Variants in SLC39A8 observed in about 807,000 individuals in gnomAD.
SLC39A8 encodes the protein solute carrier family 39 member 8, also known as metal cation symporter ZIP8.
In SLC39A8, 15 loss-of-function variants were observed where a neutral mutation model predicts 40.4. That is an observed-to-expected ratio of 0.37 (90% CI 0.25 to 0.57). SLC39A8 has a LOEUF of 0.57. Among genes scored for constraint, SLC39A8 ranks in the 20% least tolerant of loss-of-function variants. The probability of loss-of-function intolerance (pLI) is 0.75; values close to 1 mark genes in which losing one functional copy is unlikely to be tolerated. For missense variants in SLC39A8, 472 were observed against 558.8 expected (o/e 0.84, Z 1.57); for synonymous variants, 223 against 221.6 (o/e 1.01, Z -0.06).
chr4:102,299,301 T>TAA (rs367878700), intron 6 of SLC39A8, among the ~76,000 whole-genome samples: 2 of 143,392 alleles, frequency 1.4e-5, no homozygotes, highest in African/African-American at 2.5e-5. Flanking sequence ...ATTTCATACT[T>TAA]AAAAAAAAAA....
At chr4:102,310,968 T>C (rs1247090656) in intron 3 of SLC39A8, among the ~76,000 whole-genome samples, 1 of 152,150 alleles carries the variant, frequency 6.6e-6, no homozygotes, top group Non-Finnish European at 1.5e-5. Flanking sequence ...CCCTATGAGA[T>C]AGGTGCTGCT....
intron 8 of SLC39A8, among the ~76,000 whole-genome samples, chr4:102,266,334 CA>C (rs1366568618): frequency 1.3e-5 from 2 of 151,948 alleles, no homozygotes; most frequent in Non-Finnish European, 2.9e-5. Context: ...AATTTTGTGA[CA>C]AAAGTTATAA....
chr4:102,311,099 T>C (rs1372831455), intron 3 of SLC39A8, among the ~76,000 whole-genome samples: 2 of 152,086 alleles, frequency 1.3e-5, no homozygotes, highest in African/African-American at 2.4e-5. Context: ...CTGTATAGAA[T>C]GGTGTTTAAC....
intron 3 of SLC39A8, among the ~76,000 whole-genome samples, chr4:102,310,916 T>C (rs574272231): frequency 3.2e-4 from 49 of 152,260 alleles, no homozygotes; most frequent in African/African-American, 1.2e-3. Context: ...AAGATTCTTC[T>C]AAGAACTTTA....
At chr4:102,339,184 G>T (rs1735804339) in intron 2 of SLC39A8, among the ~76,000 whole-genome samples, 1 of 152,038 alleles carries the variant, frequency 6.6e-6, no homozygotes, top group African/African-American at 2.4e-5. Context: ...TCAGAATGGG[G>T]CCATTGTCTT....
chr4:102,325,178 T>G (rs1321833909), intron 2 of SLC39A8, among the ~76,000 whole-genome samples: 1 of 152,176 alleles, frequency 6.6e-6, no homozygotes, highest in Admixed American at 6.5e-5. Flanking sequence ...CAAAGTTTAC[T>G]CATTATTATT....
intron 2 of SLC39A8, among the ~76,000 whole-genome samples, chr4:102,335,842 T>C (rs912476982): frequency 6.6e-6 from 1 of 152,210 alleles, no homozygotes; most frequent in African/African-American, 2.4e-5. Context: ...TCAAAGGCAC[T>C]GGACTGACTT....
In SLC39A8 at chr4:102,262,105, A is replaced by G. The variant is rs1731890948; in HGVS notation, c.*939T>C. The G allele has an allele frequency of 5.1e-6, 5 of 985,850 alleles. No individual in the cohort carries two copies. The African/African-American group carries it at 8.7e-5, about 17-fold the overall frequency. The allele number at this position is 985,850 out of a possible 1,614,324, so 61.1% of individuals were successfully genotyped here. A position where few individuals can be genotyped will look rare whatever the true frequency, so the allele number is the denominator to read the frequency against. On this transcript the variant is annotated 3_prime_UTR_variant, in exon 9 of 9. Transcript: ENST00000356736. Reference sequence around the variant, plus strand: ...ATGTTTTCCAGTTAATCTGTCCTTGATGTACAGCAGTCCAGCTGTTGTTTT... The same window carrying G: ...ATGTTTTCCAGTTAATCTGTCCTTGGTGTACAGCAGTCCAGCTGTTGTTTT...
At chr4:102,339,200 A>C (rs1016813384) in intron 2 of SLC39A8, among the ~76,000 whole-genome samples, 1 of 152,054 alleles carries the variant, frequency 6.6e-6, no homozygotes, top group Non-Finnish European at 1.5e-5. Context: ...GTCTTGGAGG[A>C]TTCTTAACAA....
At chr4:102,320,176 T>TATATATATGTATATATATAC (rs1734849422) in intron 2 of SLC39A8, among the ~76,000 whole-genome samples, 2 of 100,246 alleles carry the variant, frequency 2.0e-5, no homozygotes, top group African/African-American at 6.3e-5. Context: ...TACATATATA[T>TATATATATGTATATATATAC]ATATATATAT....
intron 6 of SLC39A8, among the ~76,000 whole-genome samples, chr4:102,270,054 G>C (rs1284416225): frequency 6.6e-6 from 1 of 152,048 alleles, no homozygotes; most frequent in Non-Finnish European, 1.5e-5. Context: ...AAGTGACCTG[G>C]GCTTTGTAAA....
intron 11 of SLC39A8, among the ~76,000 whole-genome samples, chr4:102,256,321 G>T (rs962716429): frequency 6.6e-6 from 1 of 152,140 alleles, no homozygotes; most frequent in Non-Finnish European, 1.5e-5. Context: ...ACATCTACAC[G>T]AGAAGGATTC....
intron 2 of SLC39A8, 125 bp from the exon 3 acceptor site, chr4:102,315,955 A>G (rs949421676): frequency 2.7e-6 from 2 of 745,008 alleles, no homozygotes; most frequent in African/African-American, 1.8e-5. Context: ...AAAGCCCACC[A>G]CAGAAATTGA....
chr4:102,312,092 T>C (rs1298403394), intron 3 of SLC39A8, among the ~76,000 whole-genome samples: 4 of 152,008 alleles, frequency 2.6e-5, no homozygotes, highest in African/African-American at 7.2e-5. Context: ...TCTATAAAGG[T>C]ACTATTAAAG....
intron 2 of SLC39A8, among the ~76,000 whole-genome samples, chr4:102,328,072 A>G (rs1410427030): frequency 6.6e-6 from 1 of 152,184 alleles, no homozygotes; most frequent in Non-Finnish European, 1.5e-5. Context: ...AAGTTCATAA[A>G]CTAAAAGTAA....
chr4:102,269,227 G>C (rs1009024881), intron 6 of SLC39A8, among the ~76,000 whole-genome samples: 4 of 151,916 alleles, frequency 2.6e-5, no homozygotes, highest in African/African-American at 9.7e-5. Flanking sequence ...CATCTAAGAG[G>C]TTTTACAGTT....
At chr4:102,287,839 G>A (rs760595040) in intron 6 of SLC39A8, among the ~76,000 whole-genome samples, 6 of 151,936 alleles carry the variant, frequency 3.9e-5, no homozygotes, top group Non-Finnish European at 8.8e-5. Context: ...AGTTCAAATC[G>A]TTACTCTGAT....
intron 3 of SLC39A8, 47 bp downstream of exon 3, chr4:102,315,621 G>T: frequency 1.3e-6 from 2 of 1,504,150 alleles, no homozygotes; most frequent in South Asian, 1.4e-5. Context: ...ATTTCACAAT[G>T]GTTCATAGAC....
At chr4:102,313,878 G>A (rs144980190) in intron 3 of SLC39A8, among the ~76,000 whole-genome samples, 20 of 152,092 alleles carry the variant, frequency 1.3e-4, no homozygotes, top group Admixed American at 2.6e-4. Flanking sequence ...ATGAGTCACC[G>A]TGCCTAGCCC....
Sources: gnomAD v4.1 joint callset for allele counts (sites outside exome capture counted in the v4.1 genomes callset) on GRCh38, gnomAD v4.1.1 for gene constraint, MANE v1.5 for transcripts, NCBI Gene and HGNC (gene_info 2026-07-23, HGNC 2026-07-21) for gene names.